VPS26C: variants seen among roughly 807,000 people sequenced by gnomAD.
The protein encoded by VPS26C is vacuolar protein sorting-associated protein 26C.
In VPS26C, 19 loss-of-function variants were observed where a neutral mutation model predicts 30.6. That is an observed-to-expected ratio of 0.62 (90% CI 0.43 to 0.91). The LOEUF (loss-of-function observed/expected upper bound fraction) is 0.91. Among genes scored for constraint, VPS26C ranks in the 40% least tolerant of loss-of-function variants. The pLI is 0.00. For missense variants in VPS26C, 318 were observed against 385.1 expected, an observed-to-expected ratio of 0.83 and a Z score of 1.46; for synonymous variants, 132 against 151.5, an observed-to-expected ratio of 0.87 and a Z score of 0.95.
intron 1 of VPS26C, among the ~76,000 whole-genome samples, chr21:37,243,153 CCCAAGATCTCA>C (rs1358685494): frequency 6.6e-6 from 1 of 152,080 alleles, no homozygotes; most frequent in Non-Finnish European, 1.5e-5. Context: ...TTAAGGAAAA[CCCAAGATCTCA>C]CCAAGAACTT....
At chr21:37,238,961 G>C (rs1000864031) in intron 2 of VPS26C, among the ~76,000 whole-genome samples, 4 of 152,174 alleles carry the variant, frequency 2.6e-5, no homozygotes, top group African/African-American at 9.6e-5. Flanking sequence ...TGGCTAACAG[G>C]GTTGACGTGT....
At chr21:37,234,117 C>T (rs2085995371) in intron 3 of VPS26C, among the ~76,000 whole-genome samples, 1 of 152,232 alleles carries the variant, frequency 6.6e-6, no homozygotes, top group South Asian at 2.1e-4. Flanking sequence ...AAGGTCACAC[C>T]TGGTCCTCAG....
chr21:37,225,705 A>T, intron 7 of VPS26C, 79 bp from the exon 8 acceptor site: 1 of 1,257,630 alleles, frequency 8.0e-7, no homozygotes, highest in Non-Finnish European at 1.2e-6. Flanking sequence ...CTGCAGTCGC[A>T]GGAAGCTCTA....
intron 1 of VPS26C, among the ~76,000 whole-genome samples, chr21:37,256,088 G>A (rs962217704): frequency 3.9e-5 from 6 of 151,976 alleles, no homozygotes; most frequent in African/African-American, 1.2e-4. Context: ...TGCCTGCCTC[G>A]GCCTCCCAAA....
At position 37,235,076 on chromosome 21, in the gene VPS26C, G is replaced by A. The variant is rs547360343; in HGVS notation, c.352-1634C>T. 1.2e-3 allele frequency among the ~76,000 whole-genome samples: 185 copies of A among 151,738 alleles called. 2 individuals are homozygous for A. The highest frequency in any genetic ancestry group is 9.7e-4 in the Non-Finnish European group (66 of 67,910). ...GGCTGGAGTGCGATGGCGTGATCTC[G>A]GCTCACTGCAAACTCTGCCTCCTGG... is the stretch of plus-strand genomic sequence containing the variant. On this transcript the variant is annotated intron_variant, in intron 3 of 7. Transcript: ENST00000309117.
intron 1 of VPS26C, 89 bp from the exon 2 acceptor site, chr21:37,240,728 C>A: frequency 6.7e-7 from 1 of 1,488,462 alleles, no homozygotes; most frequent in South Asian, 1.3e-5. Context: ...CCTTCATCAT[C>A]AATTTGTTTA....
intron 3 of VPS26C, among the ~76,000 whole-genome samples, chr21:37,235,875 ATATATT>A (rs1231241485): frequency 0.075 from 1,125 of 15,064 alleles, 8 homozygotes; most frequent in African/African-American, 0.21. Context: ...ATATATATAT[ATATATT>A]TTTTTTTTTA....
At chr21:37,254,145 T>C (rs1788086004) in intron 1 of VPS26C, among the ~76,000 whole-genome samples, 1 of 152,174 alleles carries the variant, frequency 6.6e-6, no homozygotes, top group African/African-American at 2.4e-5. Flanking sequence ...GAAAATGCTC[T>C]GTAGAGCCAG....
chr21:37,255,016 G>A (rs1192924588), intron 1 of VPS26C, among the ~76,000 whole-genome samples: 1 of 152,090 alleles, frequency 6.6e-6, no homozygotes, highest in Non-Finnish European at 1.5e-5. Flanking sequence ...CTGTTCATGG[G>A]GCAGCAGAGG....
chr21:37,228,209 G>A lies in VPS26C; in HGVS notation c.658+14C>T, dbSNP rs776832858. 2 of 1,608,004 alleles carry A rather than the reference G, an allele frequency of 1.2e-6. No homozygotes were observed. Among genetic ancestry groups the A allele is most frequent in the South Asian group, 2.2e-5 (2 of 90,984 alleles). On this transcript the variant is annotated intron_variant, in intron 6 of 7. Coordinates refer to ENST00000309117, the MANE Select transcript of VPS26C (RefSeq NM_006052.2). ...GGGACAGGCAAGCGCCAGGCCTGGT[G>A]GCACGGCCCTCACCGCACGTCTCCA...
At chr21:37,235,837 G>A (rs1303249948) in intron 3 of VPS26C, among the ~76,000 whole-genome samples, 3 of 125,256 alleles carry the variant, frequency 2.4e-5, no homozygotes, top group African/African-American at 9.4e-5. Context: ...ATATATATGT[G>A]TGTATATGTG....
chr21:37,227,959 C>T (rs1452734227), intron 6 of VPS26C, among the ~76,000 whole-genome samples, 153 bp from the exon 7 acceptor site: 1 of 152,210 alleles, frequency 6.6e-6, no homozygotes, highest in Non-Finnish European at 1.5e-5. Flanking sequence ...AAGGCACAGC[C>T]ACGCTCTTAC....
Position 37,257,444 on chromosome 21 carries a change from G to T in VPS26C, c.57+9794C>A, listed in dbSNP as rs919162755. On this transcript the variant is annotated intron_variant, in intron 1 of 7. Transcript: ENST00000309117. This position sits in a 1 kb window ranked among gnomAD's most constrained non-coding sequence, Gnocchi z 4.2. ...GGGACGCAGGTCAGCCCACCTAGCC[G>T]ATGGCTAACAAGTCAGTTTGTTTTC... is the stretch of plus-strand genomic sequence containing the variant. 1.3e-5 allele frequency among the ~76,000 whole-genome samples: 2 copies of T among 152,232 alleles called. No individual in the cohort carries two copies. Among genetic ancestry groups the T allele is most frequent in the Non-Finnish European group, 2.9e-5 (2 of 68,046 alleles).
At chr21:37,228,711 A>G (rs751216092) in intron 5 of VPS26C, 40 of 211,838 alleles carry the variant, frequency 1.9e-4, no homozygotes, top group Non-Finnish European at 3.2e-4. Context: ...ATGGTGTTCA[A>G]GACAACCTGA....
At chr21:37,235,851 GTATA>G (rs146084592) in intron 3 of VPS26C, among the ~76,000 whole-genome samples, 100 of 55,088 alleles carry the variant, frequency 1.8e-3, no homozygotes, top group South Asian at 6.3e-3. Flanking sequence ...ATATGTGTGT[GTATA>G]TATATATATA....
At chr21:37,232,723 CAG>C in intron 4 of VPS26C, 1 of 550,936 alleles carries the variant, frequency 1.8e-6, no homozygotes, top group South Asian at 2.1e-5. Flanking sequence ...ATCTAAGAAA[CAG>C]AACAGTGTTA....
Position 37,232,101 on chromosome 21 carries a change from G to A in VPS26C, c.507+276C>T. The A allele has an allele frequency of 6.9e-6, 3 of 433,564 alleles. No homozygotes were observed. In the South Asian group the frequency reaches 1.3e-4, roughly 18 times the overall value. The allele number at this position is 433,564 out of a possible 1,614,324, so 26.9% of individuals were successfully genotyped here. On this transcript the variant is annotated intron_variant, in intron 5 of 7. Transcript: ENST00000309117. ...CGTGTCATGGGCAGCAGGGGGTCTT[G>A]GGGGCCCATGATGCAGTAAAACTGA... is the stretch of plus-strand genomic sequence containing the variant.
At chr21:37,227,006 T>C (rs532423909) in intron 7 of VPS26C, 2 of 152,308 alleles carry the variant, frequency 1.3e-5, no homozygotes, top group East Asian at 3.9e-4. Context: ...CATGATACAA[T>C]GTTAAGGGAA....
In VPS26C at chr21:37,228,223, C is replaced by T. The variant is rs1216030750; in HGVS notation, c.658G>A (p.Gly220Arg). The T allele has an allele frequency of 1.6e-5, 26 of 1,611,066 alleles. No homozygotes were observed. The highest frequency in any genetic ancestry group is 1.8e-4 in the Middle Eastern group (1 of 5,704). The change falls in exon 6 of 8, where the codon GGG becomes AGG. Residue 220 changes from glycine to arginine, a missense_variant and splice_region_variant. Transcript: ENST00000309117. ...CCAGGCCTGGTGGCACGGCCCTCAC[C>T]GCACGTCTCCACGCGCACCAGCTGC... Reference protein sequence around the residue: ...ELQLVRVETCGCAEGYARDAT... With the variant: ...ELQLVRVETCRCAEGYARDAT...
Sources: gnomAD v4.1 joint callset for allele counts (sites outside exome capture counted in the v4.1 genomes callset) on GRCh38, gnomAD v4.1.1 for gene constraint, Gnocchi (gnomAD v3.1) non-coding constraint, MANE v1.5 for transcripts, NCBI Gene and HGNC (gene_info 2026-07-23, HGNC 2026-07-21) for gene names.